TMC7: variants seen among roughly 807,000 people sequenced by gnomAD.
The protein encoded by TMC7 is transmembrane channel like 7, also known as transmembrane channel-like protein 7.
In TMC7, 54 loss-of-function variants were observed where a neutral mutation model predicts 82.9. The observed-to-expected ratio is 0.65, with a 90% CI of 0.52 to 0.82. The LOEUF (loss-of-function observed/expected upper bound fraction) is 0.82. Ranked by LOEUF, TMC7 falls within the 40% of genes least tolerant of loss-of-function variation. The probability of loss-of-function intolerance (pLI) is 0.00; values close to 1 mark genes in which losing one functional copy is unlikely to be tolerated. For missense variants in TMC7, 820 were observed against 901.2 expected (o/e 0.91, Z 1.15); for synonymous variants, 350 against 337.9 (o/e 1.04, Z -0.39).
intron 1 of TMC7, among the ~76,000 whole-genome samples, chr16:19,007,711 A>T (rs989451998): frequency 6.6e-6 from 1 of 151,834 alleles, no homozygotes; most frequent in Admixed American, 6.6e-5. Context: ...GAGAGACAAT[A>T]CCTGACCCCA....
chr16:19,031,406 G>A (rs1960510993), intron 6 of TMC7, among the ~76,000 whole-genome samples: 1 of 152,144 alleles, frequency 6.6e-6, no homozygotes, highest in Non-Finnish European at 1.5e-5. Flanking sequence ...GGAGACAAGT[G>A]GTTTAGGGAG....
intron 13 of TMC7, among the ~76,000 whole-genome samples, chr16:19,052,656 C>CA (rs1161725130): frequency 1.3e-5 from 2 of 152,052 alleles, no homozygotes; most frequent in Middle Eastern, 3.4e-3. Flanking sequence ...AAATTAAAAA[C>CA]AAAAAAACAA....
rs374929562 is a variant in TMC7 at position 19,016,335 on chromosome 16, C to T, written c.312-115C>T. The T allele has an allele frequency of 8.5e-6, 11 of 1,289,732 alleles. No individual in the cohort carries two copies. In the African/African-American group the frequency reaches 1.6e-4, roughly 19 times the overall value. 79.9% of individuals were successfully genotyped at this position (1,289,732 alleles called of 1,614,324 possible). The stretch of plus-strand genomic sequence containing the variant: ...GAACTCCTGACCTCAGGTGATCCAC[C>T]TGCCTCGGCCTCCCAGAGTGCTGGG... On this transcript the variant is annotated intron_variant, in intron 2 of 15. Transcript: ENST00000304381.
chr16:18,998,611 G>A lies in TMC7; in HGVS notation c.68-10561G>A, dbSNP rs527562624. On this transcript the variant is annotated intron_variant, in intron 1 of 15. Transcript: ENST00000304381. ...CTACTAAAAATACAAAAAATTAGCC[G>A]GGCGTGGTGGCGGGCACCCATAGTC... is the stretch of plus-strand genomic sequence containing the variant. Among the ~76,000 whole-genome samples the A allele has an allele frequency of 8.0e-4, 122 of 152,212 alleles. 1 individual carries two copies. The highest frequency in any genetic ancestry group is 2.6e-3 in the African/African-American group (109 of 41,524).
chr16:18,991,440 A>G (rs1401707625), intron 1 of TMC7, among the ~76,000 whole-genome samples: 3 of 152,196 alleles, frequency 2.0e-5, no homozygotes, highest in Non-Finnish European at 4.4e-5. Flanking sequence ...ATACCAGGCC[A>G]GATTGATTTA....
intron 12 of TMC7, among the ~76,000 whole-genome samples, chr16:19,050,367 A>C (rs1212507774): frequency 8.4e-3 from 28 of 3,338 alleles, no homozygotes; most frequent in Non-Finnish European, 0.04. Flanking sequence ...ATTCCGTCTC[A>C]AAAAAAAAAA....
intron 10 of TMC7, 34 bp downstream of exon 10, chr16:19,045,035 G>A: frequency 6.6e-7 from 1 of 1,507,098 alleles, no homozygotes; most frequent in Non-Finnish European, 9.2e-7. Flanking sequence ...CGGCTGGGTG[G>A]GTCCTTCTGG....
rs761944868 is a variant in TMC7, at chr16:19,040,328, T to C, written c.1219T>C (p.Leu407=). The change falls in exon 9 of 16, where the codon TTG becomes CTG. Residue 407 remains leucine (L), a synonymous_variant. Transcript: ENST00000304381. ...KMVFGENLFI[L]YLPSIVITLA... ...GGTTTTTGGAGAGAACCTCTTCATA[T>C]TGTATCTACCGTCTATTGTGATCAC... 3.7e-6 allele frequency: 6 copies of C among 1,613,974 alleles called. No homozygotes were observed. In the South Asian group the frequency reaches 5.5e-5, roughly 15 times the overall value.
intron 2 of TMC7, 133 bp downstream of exon 2, chr16:19,009,548 G>A: frequency 8.7e-7 from 1 of 1,154,952 alleles, no homozygotes; most frequent in Non-Finnish European, 1.2e-6. Flanking sequence ...AAGCCTCTTT[G>A]ACAAACATAC....
At position 19,016,589 on chromosome 16, in the gene TMC7, A is replaced by T. The variant is rs746251555; in HGVS notation, c.451A>T (p.Ser151Cys). Residue 151 changes from serine to cysteine, a missense_variant, in exon 3 of 16, where the codon AGC (serine) becomes TGC (cysteine). Ser to Cys is a moderately radical substitution (Grantham distance 112). This residue lies in a region of TMC7 where 650 missense variants were observed against 669.9 expected (regional missense o/e 0.97). Transcript: ENST00000304381. ...HLELWREDIRSIEGKFGTGIQ... is the reference protein window; with the variant it reads ...HLELWREDIRCIEGKFGTGIQ... ...GGAGCTGTGGCGGGAGGACATCCGC[A>T]GCATAGAAGGTATGCTGTCCTCACC... 1.9e-6 allele frequency: 3 copies of T among 1,613,472 alleles called. No homozygotes were observed. The Admixed American group carries it at 5.0e-5, about 27-fold the overall frequency.
At chr16:18,993,617 G>C (rs927244426) in intron 1 of TMC7, among the ~76,000 whole-genome samples, 1 of 152,204 alleles carries the variant, frequency 6.6e-6, no homozygotes, top group Non-Finnish European at 1.5e-5. Context: ...GATGCCTTTT[G>C]ATGGCCCTTG....
In TMC7 at chr16:19,037,782, A is replaced by T. The variant is rs1960823148; in HGVS notation, c.1006-92A>T. 9 of 1,388,374 alleles carry T rather than the reference A, an allele frequency of 6.5e-6. No individual in the cohort carries two copies. In the South Asian group the frequency reaches 1.1e-4, roughly 17 times the overall value. 86.0% of individuals were successfully genotyped at this position (1,388,374 alleles called of 1,614,324 possible). ...GCCACCATGCCTGGCTAGAACTCTT[A>T]AAGATGGATGGGGAGAGAATGATGA... On this transcript the variant is annotated intron_variant, in intron 7 of 15. Transcript: ENST00000304381.
In TMC7 at chr16:19,030,343, C is replaced by A; in HGVS notation, c.831C>A (p.Ala277=). The part of the protein sequence containing the change: ...AYLLSTIASL[A]LSLLWIVKRS... ...TGTTAAGCACAATCGCCTCCCTGGC[C>A]CTGAGCCTTCTTTGGATAGTGAAAA... is the stretch of plus-strand genomic sequence containing the variant. Residue 277 remains alanine, a synonymous_variant, in exon 6 of 16, where the codon GCC becomes GCA. Transcript: ENST00000304381. 2 of 1,612,332 alleles carry A rather than the reference C, an allele frequency of 1.2e-6. No homozygotes were observed. The highest frequency in any genetic ancestry group is 2.2e-5 in the South Asian group (2 of 90,738).
intron 14 of TMC7, among the ~76,000 whole-genome samples, chr16:19,056,925 G>A (rs964432806): frequency 1.3e-5 from 2 of 151,450 alleles, no homozygotes; most frequent in African/African-American, 2.4e-5. Flanking sequence ...AGGAGTTCGA[G>A]ACCAGCCTGG....
At chr16:19,045,490 C>T (rs777529744) in intron 11 of TMC7, 52 bp downstream of exon 11, 17 of 1,175,786 alleles carry the variant, frequency 1.4e-5, no homozygotes, top group Admixed American at 3.4e-5. Context: ...CATGCACACA[C>T]ACACATACAC....
intron 1 of TMC7, among the ~76,000 whole-genome samples, chr16:18,985,704 T>G (rs1454035245): frequency 6.6e-6 from 1 of 151,852 alleles, no homozygotes; most frequent in African/African-American, 2.4e-5. Flanking sequence ...ATGAGTTTTT[T>G]TTTTTTTTTT....
intron 8 of TMC7, 25 bp from the exon 9 acceptor site, chr16:19,040,263 AC>A (rs1383556917): frequency 1.9e-6 from 3 of 1,604,358 alleles, no homozygotes; most frequent in East Asian, 4.5e-5. Context: ...TATACTCCTG[AC>A]TAATAAGTTT....
intron 1 of TMC7, among the ~76,000 whole-genome samples, chr16:18,991,051 T>G (rs1330749144): frequency 6.6e-6 from 1 of 151,996 alleles, no homozygotes; most frequent in Non-Finnish European, 1.5e-5. Flanking sequence ...AGTGAAAATT[T>G]TTGGGGGTGG....
intron 1 of TMC7, among the ~76,000 whole-genome samples, chr16:18,998,685 C>T (rs1358473192): frequency 1.3e-5 from 2 of 151,126 alleles, no homozygotes; most frequent in African/African-American, 2.4e-5. Context: ...ACCCAGGAGG[C>T]GGAGCTTGCA....
Sources: gnomAD v4.1 joint callset for allele counts (sites outside exome capture counted in the v4.1 genomes callset) on GRCh38, gnomAD v4.1.1 for gene constraint, gnomAD v4.1.1 regional missense constraint, MANE v1.5 for transcripts, NCBI Gene and HGNC (gene_info 2026-07-23, HGNC 2026-07-21) for gene names.